The following RAB27B variants were observed in gnomAD, a reference collection of about 807,000 sequenced individuals.
The protein encoded by RAB27B is ras-related protein Rab-27B.
Under a neutral mutation model 24.6 loss-of-function variants are expected in RAB27B, and 15 were observed. The ratio of observed to expected loss-of-function variants is 0.61; its 90% CI spans 0.41 to 0.94. The LOEUF is 0.94. Among genes scored for constraint, RAB27B ranks in the 40% least tolerant of loss-of-function variants. The pLI, the probability that RAB27B is intolerant of heterozygous loss-of-function variation, is 0.00. For missense variants in RAB27B, 261 were observed against 266.8 expected, an observed-to-expected ratio of 0.98 and a Z score of 0.15; for synonymous variants, 105 against 92.5, an observed-to-expected ratio of 1.14 and a Z score of -0.78.
At chr18:54,754,378 G>A (rs2072284028) in intron 2 of RAB27B, among the ~76,000 whole-genome samples, 2 of 152,156 alleles carry the variant, frequency 1.3e-5, no homozygotes, top group Admixed American at 1.3e-4. Context: ...CCAGTCTCAG[G>A]TAGTATCTTT....
intron 2 of RAB27B, among the ~76,000 whole-genome samples, chr18:54,762,427 G>A (rs553338469): frequency 6.6e-6 from 1 of 152,088 alleles, no homozygotes; most frequent in Admixed American, 6.6e-5. Context: ...AAGCCATCCA[G>A]TTGGTTGTAA....
At chr18:54,888,364 A>G (rs1913231647) in intron 5 of RAB27B, among the ~76,000 whole-genome samples, 1 of 152,216 alleles carries the variant, frequency 6.6e-6, no homozygotes, top group African/African-American at 2.4e-5. Context: ...TTAACCCATC[A>G]TAACTAGAGT....
intron 3 of RAB27B, among the ~76,000 whole-genome samples, chr18:54,882,987 T>C (rs984866014): frequency 6.6e-5 from 10 of 152,050 alleles, no homozygotes; most frequent in East Asian, 1.9e-4. Flanking sequence ...AGAATGGGTT[T>C]GGAAGTAGAG....
At chr18:54,878,393 C>G (rs532109287) in intron 2 of RAB27B, among the ~76,000 whole-genome samples, 2 of 152,314 alleles carry the variant, frequency 1.3e-5, no homozygotes, top group African/African-American at 4.8e-5. Flanking sequence ...TACTGCCACC[C>G]TGGGTATTCT....
chr18:54,895,157 T>C lies in RAB27B; in HGVS notation c.*5744T>C, dbSNP rs1279887029. ...GTTAAAAGTAGACGATGTTCTAATA[T>C]AACACTGAAGTGCTTCATTGTATCC... On this transcript the variant is annotated 3_prime_UTR_variant, in exon 6 of 6. Transcript: ENST00000262094. The C allele has an allele frequency of 6.6e-6, 1 of 152,088 alleles. No homozygotes were observed. Among genetic ancestry groups the C allele is most frequent in the Non-Finnish European group, 1.5e-5 (1 of 67,996 alleles). The allele number at this position is 152,088 out of a possible 1,614,324, so 9.4% of individuals were successfully genotyped here.
rs189644259 is a variant in RAB27B, at chr18:54,770,080, A to G, written c.-20+51939A>G. Among the ~76,000 whole-genome samples the G allele has an allele frequency of 3.3e-4, 50 of 152,092 alleles. No individual in the cohort carries two copies. The East Asian group carries it at 7.8e-3, about 24-fold the overall frequency. On this transcript the variant is annotated intron_variant, in intron 2 of 4. Coordinates refer to the RAB27B transcript ENST00000586570. ...GACTGGTCTCAAACTCCCAACCTTA[A>G]GTGATCCACCTACCTTGGCCTCCCA... is the stretch of plus-strand genomic sequence containing the variant.
intron 2 of RAB27B, among the ~76,000 whole-genome samples, chr18:54,735,282 T>C (rs1909853906): frequency 6.6e-6 from 1 of 152,224 alleles, no homozygotes; most frequent in African/African-American, 2.4e-5. Flanking sequence ...GAAACGTGGC[T>C]ACTTAAATGT....
At chr18:54,888,477 A>G (rs760640678) in intron 5 of RAB27B, among the ~76,000 whole-genome samples, 3 of 152,132 alleles carry the variant, frequency 2.0e-5, no homozygotes, top group Admixed American at 2.0e-4. Context: ...CTCAATCCAG[A>G]CAGTCTGATA....
chr18:54,736,176 C>T lies in RAB27B; in HGVS notation c.-20+18035C>T, dbSNP rs542275427. 9.2e-5 allele frequency among the ~76,000 whole-genome samples: 14 copies of T among 152,118 alleles called. No individual in the cohort carries two copies. In the South Asian group the frequency reaches 2.7e-3, roughly 29 times the overall value. ...ATGGGAAGATGTGAGGTAAGGCAAC[C>T]GCAGTATCTAAGAAAATTTGTGCTG... On this transcript the variant is annotated intron_variant, in intron 2 of 4. Transcript: ENST00000586570.
At chr18:54,748,873 C>T (rs187146434) in intron 2 of RAB27B, among the ~76,000 whole-genome samples, 2 of 152,286 alleles carry the variant, frequency 1.3e-5, no homozygotes, top group East Asian at 3.9e-4. Flanking sequence ...GGTTGAGGTT[C>T]ACATATGCTC....
In RAB27B at chr18:54,893,570, C is replaced by A. The variant is rs1452653717; in HGVS notation, c.*4157C>A. The A allele has an allele frequency of 6.6e-6, 1 of 151,970 alleles. No individual in the cohort carries two copies. The highest frequency in any genetic ancestry group is 1.9e-4 in the East Asian group (1 of 5,186). The allele number at this position is 151,970 out of a possible 1,614,324, so 9.4% of individuals were successfully genotyped here. On this transcript the variant is annotated 3_prime_UTR_variant, in exon 6 of 6. Coordinates refer to ENST00000262094, the MANE Select transcript of RAB27B (RefSeq NM_004163.4). ...TGACCAAGGTGATGTCAGCTTATTT[C>A]TGGGGAAGGTGTTGAGCTCTTATAC...
At chr18:54,888,858 A>T (rs1053226863) in intron 5 of RAB27B, among the ~76,000 whole-genome samples, 3 of 152,186 alleles carry the variant, frequency 2.0e-5, no homozygotes, top group Non-Finnish European at 4.4e-5. Flanking sequence ...GGAGATTTCC[A>T]GATAATTGAG....
intron 2 of RAB27B, among the ~76,000 whole-genome samples, chr18:54,730,020 G>GTT (rs71993990): frequency 2.0e-5 from 3 of 151,872 alleles, no homozygotes; most frequent in African/African-American, 7.3e-5. Context: ...GATAATTTGG[G>GTT]TTTTTTTAGG....
At chr18:54,764,817 A>G (rs1296615380) in intron 2 of RAB27B, among the ~76,000 whole-genome samples, 1 of 151,992 alleles carries the variant, frequency 6.6e-6, no homozygotes. Flanking sequence ...TTTGTCCTAA[A>G]CTCCAAACTT....
intron 2 of RAB27B, among the ~76,000 whole-genome samples, chr18:54,763,124 CA>C (rs1908244983): frequency 6.6e-6 from 1 of 152,034 alleles, no homozygotes; most frequent in African/African-American, 2.4e-5. Flanking sequence ...GGAAAACTTT[CA>C]GGAAACTTAT....
intron 2 of RAB27B, among the ~76,000 whole-genome samples, chr18:54,730,449 A>G (rs1045059804): frequency 6.6e-6 from 1 of 152,106 alleles, no homozygotes; most frequent in African/African-American, 2.4e-5. Flanking sequence ...TATAGTTATT[A>G]GCGTGCTGCA....
chr18:54,869,186 T>C (rs1912367613), intron 1 of RAB27B, among the ~76,000 whole-genome samples: 1 of 152,202 alleles, frequency 6.6e-6, no homozygotes, highest in South Asian at 2.1e-4. Flanking sequence ...TGGAATCCAT[T>C]AGGAGTATCT....
chr18:54,788,291 TTTG>T (rs928093929), intron 2 of RAB27B, among the ~76,000 whole-genome samples: 1 of 152,102 alleles, frequency 6.6e-6, no homozygotes, highest in Admixed American at 6.6e-5. Flanking sequence ...ATTTGTGTTT[TTTG>T]TTGTTGTTGT....
At chr18:54,719,261 G>T (rs1398429817) in intron 2 of RAB27B, among the ~76,000 whole-genome samples, 3 of 152,036 alleles carry the variant, frequency 2.0e-5, no homozygotes, top group Non-Finnish European at 4.4e-5. Flanking sequence ...TCCTAAATGT[G>T]ATTTCAAAGT....
Sources: allele counts gnomAD v4.1 joint callset (sites outside exome capture counted in the v4.1 genomes callset), GRCh38; gene constraint gnomAD v4.1.1; transcripts MANE v1.5; gene names NCBI Gene and HGNC (gene_info 2026-07-23, HGNC 2026-07-21).